The following LYRM4 variants were observed in gnomAD, a reference collection of about 807,000 sequenced individuals.
LYRM4 encodes the protein LYR motif containing 4.
In LYRM4, 9 loss-of-function variants were observed where a neutral mutation model predicts 11.7. The ratio of observed to expected loss-of-function variants is 0.77; its 90% confidence interval spans 0.46 to 1.34. The LOEUF is 1.34. LYRM4 is among the 40% of genes most tolerant of loss of function. The pLI, the probability that LYRM4 is intolerant of heterozygous loss-of-function variation, is 0.00. For missense variants in LYRM4, 133 were observed against 112.5 expected, an observed-to-expected ratio of 1.18 and a Z score of -0.82; for synonymous variants, 42 against 40.4, an observed-to-expected ratio of 1.04 and a Z score of -0.15.
At chr6:5,149,081 G>A (rs1367787998) in intron 2 of LYRM4, among the ~76,000 whole-genome samples, 2 of 152,182 alleles carry the variant, frequency 1.3e-5, no homozygotes, top group African/African-American at 4.8e-5. Flanking sequence ...GATTGGATGA[G>A]TAATATTTAG....
At chr6:5,185,706 C>T (rs894088974) in intron 2 of LYRM4, among the ~76,000 whole-genome samples, 5 of 152,164 alleles carry the variant, frequency 3.3e-5, no homozygotes, top group African/African-American at 1.2e-4. Flanking sequence ...CAGGCTTGTC[C>T]GGTTTCAACA....
rs191785503 is a variant in LYRM4, at chr6:5,193,021, C to T, written c.207+23597G>A. 3.0e-4 allele frequency among the ~76,000 whole-genome samples: 45 copies of T among 152,206 alleles called. 1 individual carries two copies. The highest frequency in any genetic ancestry group is 2.6e-3 in the Admixed American group (40 of 15,288). On this transcript the variant is annotated intron_variant, in intron 2 of 2. Coordinates refer to ENST00000330636, the MANE Select transcript of LYRM4 (RefSeq NM_020408.6). The stretch of plus-strand genomic sequence containing the variant: ...CCTGGGTGACAGTGTGAGGCTCTGT[C>T]TCAAAAACAAAAAACAAAGTGCATT...
chr6:5,203,284 G>A (rs980337488), intron 2 of LYRM4, among the ~76,000 whole-genome samples: 1 of 152,110 alleles, frequency 6.6e-6, no homozygotes. Context: ...ACCATTCTAC[G>A]CACATGGGTA....
intron 2 of LYRM4, among the ~76,000 whole-genome samples, chr6:5,149,286 C>T (rs924973713): frequency 3.3e-5 from 5 of 152,210 alleles, no homozygotes; most frequent in Non-Finnish European, 7.3e-5. Flanking sequence ...CGCACTGCAA[C>T]AGAAAGACCT....
chr6:5,228,893 A>G (rs1367354979), intron 1 of LYRM4, among the ~76,000 whole-genome samples: 1 of 149,792 alleles, frequency 6.7e-6, no homozygotes, highest in East Asian at 2.0e-4. Context: ...AGTCCCAGCT[A>G]CTCGGGAGGC....
rs77697214 is a variant in LYRM4, at chr6:5,132,034, C to A, written c.208-22543G>T. Among the ~76,000 whole-genome samples the A allele has an allele frequency of 1.4e-3, 206 of 152,280 alleles. 5 individuals are homozygous for A. The East Asian group carries it at 0.037, about 27-fold the overall frequency. On this transcript the variant is annotated intron_variant, in intron 2 of 2. Transcript: ENST00000330636. ...ACTTTTAACTTGGTTTAACCCGAAGCAAGTTTTCATGATCGTACCCAATTC... is the reference window on the plus strand; with the variant it reads ...ACTTTTAACTTGGTTTAACCCGAAGAAAGTTTTCATGATCGTACCCAATTC...
At chr6:5,078,131 C>T in the LYRM4 span, among the ~76,000 whole-genome samples, 1 of 151,880 alleles carries the variant, frequency 6.6e-6, no homozygotes, top group African/African-American at 2.4e-5. Flanking sequence ...ATGGAGAAGC[C>T]GAAGAGATTA....
intron 1 of LYRM4, among the ~76,000 whole-genome samples, chr6:5,254,153 G>T (rs1764562959): frequency 6.6e-6 from 1 of 152,170 alleles, no homozygotes; most frequent in Non-Finnish European, 1.5e-5. Flanking sequence ...AGCCAGCACT[G>T]GTCAACAGAA....
chr6:5,128,298 G>C (rs116632396), intron 2 of LYRM4, among the ~76,000 whole-genome samples: 2,657 of 152,240 alleles, frequency 0.017, 49 homozygotes, highest in Non-Finnish European at 0.024. Flanking sequence ...CCTGGAAGCA[G>C]GGCACCCATC....
chr6:5,219,499 C>T (rs1348777785), intron 1 of LYRM4, among the ~76,000 whole-genome samples: 1 of 152,188 alleles, frequency 6.6e-6, no homozygotes, highest in Non-Finnish European at 1.5e-5. Flanking sequence ...TGTTATTCTT[C>T]GCCCTAAGGG....
At chr6:5,074,617 T>A in the LYRM4 span, among the ~76,000 whole-genome samples, 1 of 150,298 alleles carries the variant, frequency 6.7e-6, no homozygotes, top group Non-Finnish European at 1.5e-5. Context: ...GAGTTGCTTT[T>A]CTTTCTTTTT....
At chr6:5,059,324 G>C in the LYRM4 span, among the ~76,000 whole-genome samples, 2 of 141,748 alleles carry the variant, frequency 1.4e-5, no homozygotes, top group Non-Finnish European at 1.5e-5. Flanking sequence ...CCGTGCAACA[G>C]AGCAGCGCCC....
chr6:5,128,087 C>G (rs1209101498), intron 2 of LYRM4, among the ~76,000 whole-genome samples: 2 of 152,160 alleles, frequency 1.3e-5, no homozygotes, highest in East Asian at 3.9e-4. Context: ...GTAGACAAAT[C>G]AGCACCTGGA....
At chr6:5,129,400 C>T (rs1763842327) in intron 2 of LYRM4, among the ~76,000 whole-genome samples, 1 of 152,162 alleles carries the variant, frequency 6.6e-6, no homozygotes, top group Non-Finnish European at 1.5e-5. Flanking sequence ...CTTCCCGAGG[C>T]TCTGGGGAAA....
intron 2 of LYRM4, among the ~76,000 whole-genome samples, chr6:5,207,951 A>G (rs1561871291): frequency 6.6e-6 from 1 of 152,156 alleles, no homozygotes. Flanking sequence ...AGATAAGGCC[A>G]CCCATAATCT....
At chr6:5,126,034 T>C (rs565646961) in intron 2 of LYRM4, among the ~76,000 whole-genome samples, 4 of 152,378 alleles carry the variant, frequency 2.6e-5, no homozygotes, top group African/African-American at 7.2e-5. Context: ...ACATGGTTTA[T>C]TTCTGAATTA....
At chr6:5,140,909 A>G (rs78810619) in intron 2 of LYRM4, among the ~76,000 whole-genome samples, 5,437 of 152,272 alleles carry the variant, frequency 0.036, 115 homozygotes, top group Middle Eastern at 0.085. Flanking sequence ...AACCAAATGG[A>G]TTTAAAAGCC....
intron 2 of LYRM4, among the ~76,000 whole-genome samples, chr6:5,123,697 G>A (rs919333257): frequency 1.3e-4 from 20 of 152,196 alleles, no homozygotes; most frequent in African/African-American, 9.7e-5. Context: ...GCTCTAGCGC[G>A]ACCAGATTCC....
chr6:5,188,495 T>C (rs1295276203), intron 2 of LYRM4, among the ~76,000 whole-genome samples: 2 of 152,220 alleles, frequency 1.3e-5, no homozygotes, highest in Non-Finnish European at 2.9e-5. Flanking sequence ...TTATTGGTTG[T>C]GTTTTTGTTC....
Sources: allele counts gnomAD v4.1 joint callset (sites outside exome capture counted in the v4.1 genomes callset), GRCh38; gene constraint gnomAD v4.1.1; transcripts MANE v1.5; gene names NCBI Gene and HGNC (gene_info 2026-07-23, HGNC 2026-07-21).